DNAH10: variants seen among roughly 807,000 people sequenced by gnomAD.
DNAH10 encodes axonemal beta dynein heavy chain 10.
Under a neutral mutation model 506.6 loss-of-function variants are expected in DNAH10, and 348 were observed. The ratio of observed to expected loss-of-function variants is 0.69; its 90% confidence interval spans 0.63 to 0.75. The LOEUF (loss-of-function observed/expected upper bound fraction) is 0.75. Ranked by LOEUF, DNAH10 falls within the 30% of genes least tolerant of loss-of-function variation. The probability of loss-of-function intolerance (pLI) is 0.00; values close to 1 mark genes in which losing one functional copy is unlikely to be tolerated. For synonymous variants in DNAH10, 2,059 were observed against 2,198.6 expected (o/e 0.94, Z 1.78); for missense variants, 5,179 against 5,787.1 (o/e 0.89, Z 3.41).
Position 123,803,761 on chromosome 12 carries a change from G to A in DNAH10, c.2715G>A (p.Leu905=). ...HKNADDISSR[L]TLIEAINLFK... is the part of the protein sequence containing the mutation. ...ATGCAGATGACATTTCTTCCAGGCT[G>A]ACATTAATAGAGGCCATAAATCTCT... The change falls in exon 17 of 79, where the codon CTG becomes CTA. Residue 905 remains leucine, a synonymous_variant. Transcript: ENST00000673944. 1 of 1,611,084 alleles carries A rather than the reference G, an allele frequency of 6.2e-7. No individual in the cohort carries two copies. The highest frequency in any genetic ancestry group is 8.5e-7 in the Non-Finnish European group (1 of 1,179,414).
rs764282849 is a variant in DNAH10 at position 123,813,355 on chromosome 12, G to A, written c.3336G>A (p.Lys1112=). Residue 1112 remains lysine (K), a synonymous_variant, in exon 20 of 79, where the codon AAG becomes AAA. Coordinates refer to ENST00000673944, the MANE Select transcript of DNAH10 (RefSeq NM_001372106.1). The part of the protein sequence containing the change: ...INLMKYLQKW[K]RYRPLWKLDK... The stretch of plus-strand genomic sequence containing the variant: ...TTATGAAGTATCTACAAAAATGGAA[G>A]CGGTATCGACCTCTCTGGAAATTGG... 1 of 1,614,234 alleles carries A rather than the reference G, an allele frequency of 6.2e-7. No individual in the cohort carries two copies. Among genetic ancestry groups the A allele is most frequent in the Non-Finnish European group, 8.5e-7 (1 of 1,180,052 alleles).
rs1283249819 is a variant in DNAH10 at position 123,910,563 on chromosome 12, C to A, written c.10025C>A (p.Thr3342Asn). ...CTCTTGAAGACTCTTAATACCACAA[C>A]TGAAGAAATGGAAGCTGTCAGCAAA... Reference protein sequence around the residue: ...KGLLKTLNTTTEEMEAVSKAG... With the variant: ...KGLLKTLNTTNEEMEAVSKAG... Residue 3342 changes from threonine (T) to asparagine (N), a missense_variant, in exon 59 of 79, where the codon ACT becomes AAT. Physicochemically the swap from Thr to Asn is moderately conservative, Grantham distance 65. Coordinates refer to ENST00000673944, the MANE Select transcript of DNAH10 (RefSeq NM_001372106.1). 1.9e-6 allele frequency: 3 copies of A among 1,613,694 alleles called. No homozygotes were observed. In the South Asian group the frequency reaches 3.3e-5, roughly 18 times the overall value.
Position 123,930,514 on chromosome 12 carries a change from T to C in DNAH10, c.12725T>C (p.Phe4242Ser). ...IFDTFQPFHF[F>S]RNKEVDYKIP... ...GATACTTTCCAGCCATTCCACTTCT[T>C]CCGGAACAAGGAAGTGGACTACAAA... The change falls in exon 73 of 79, where the codon TTC becomes TCC. Residue 4242 changes from phenylalanine (F) to serine (S), a missense_variant. By Grantham distance (155) the Phe-to-Ser change is radical. Coordinates refer to ENST00000673944, the MANE Select transcript of DNAH10 (RefSeq NM_001372106.1). 6.2e-7 allele frequency: 1 copy of C among 1,610,228 alleles called. No individual in the cohort carries two copies. The highest frequency in any genetic ancestry group is 1.1e-5 in the South Asian group (1 of 90,322).
intron 28 of DNAH10, 49 bp from the exon 29 acceptor site, chr12:123,838,407 C>T (rs371925328): frequency 1.1e-4 from 166 of 1,532,890 alleles, no homozygotes; most frequent in Non-Finnish European, 1.3e-4. Flanking sequence ...ACAGTGTCTC[C>T]GCTCTCCCTG....
intron 11 of DNAH10, among the ~76,000 whole-genome samples, chr12:123,791,972 C>A (rs1958095961): frequency 6.6e-6 from 1 of 152,032 alleles, no homozygotes; most frequent in Non-Finnish European, 1.5e-5. Context: ...TTGTTGTTAA[C>A]CCCTATATTT....
chr12:123,833,365 CAAAA>C lies in DNAH10; in HGVS notation c.4779+19_4779+22del. 6.3e-7 allele frequency: 1 copy of C among 1,589,812 alleles called. No homozygotes were observed. Among genetic ancestry groups the C allele is most frequent in the Non-Finnish European group, 8.6e-7 (1 of 1,164,254 alleles). ...TCATTGAGGTGAGAGAAAAGATGAA[CAAAA>C]GATGGATTAGAGCCAGTGCATAGCA... On this transcript the variant is annotated intron_variant, in intron 27 of 78. Transcript: ENST00000673944.
In DNAH10 at chr12:123,785,816, T is replaced by C. The variant is rs945956782; in HGVS notation, c.1301T>C (p.Met434Thr). 6.2e-7 allele frequency: 1 copy of C among 1,614,138 alleles called. No homozygotes were observed. Among genetic ancestry groups the C allele is most frequent in the Non-Finnish European group, 8.5e-7 (1 of 1,180,016 alleles). Residue 434 changes from methionine to threonine, a missense_variant, in exon 9 of 79, where the codon ATG (methionine) becomes ACG (threonine). By Grantham distance (81) the Met-to-Thr change is moderately conservative. This residue lies in a region of DNAH10 where 4,844 missense variants were observed against 5,430.5 expected (regional missense o/e 0.89). Coordinates refer to ENST00000673944, the MANE Select transcript of DNAH10 (RefSeq NM_001372106.1). The surrounding 1 kb of genome is among the most constrained non-coding windows in gnomAD (Gnocchi z 4.1). ...CCCGCCATGATGAGTGCCCTGCGGA[T>C]GGTGTGGATCATCTCCCGACACTAC... is the stretch of plus-strand genomic sequence containing the variant. The part of the protein sequence containing the change: ...TIPAMMSALR[M>T]VWIISRHYNK...
At chr12:123,793,757 G>A (rs1343217188) in intron 11 of DNAH10, among the ~76,000 whole-genome samples, 185 bp from the exon 12 acceptor site, 13 of 152,192 alleles carry the variant, frequency 8.5e-5, no homozygotes, top group Admixed American at 4.6e-4. Flanking sequence ...CTTTGAACTG[G>A]TTGGGGAGAG....
intron 52 of DNAH10, among the ~76,000 whole-genome samples, chr12:123,888,067 C>A (rs1367430327): frequency 1.3e-5 from 2 of 152,128 alleles, no homozygotes; most frequent in Admixed American, 1.3e-4. Flanking sequence ...AAGAAGTTAG[C>A]CAGGCATGAT....
At chr12:123,886,676 G>A (rs1352746719) in intron 51 of DNAH10, among the ~76,000 whole-genome samples, 1 of 150,150 alleles carries the variant, frequency 6.7e-6, no homozygotes, top group Non-Finnish European at 1.5e-5. Context: ...CTGGAAATCT[G>A]CCATGTTTCT....
Position 123,875,247 on chromosome 12 carries a change from C to T in DNAH10, c.7955C>T (p.Thr2652Met), listed in dbSNP as rs764317091. Residue 2652 changes from threonine to methionine, a missense_variant, in exon 47 of 79, where the codon ACG becomes ATG. Physicochemically the swap from Thr to Met is moderately conservative, Grantham distance 81. This residue lies in a region of DNAH10 where 4,844 missense variants were observed against 5,430.5 expected (regional missense o/e 0.89). Coordinates refer to ENST00000673944, the MANE Select transcript of DNAH10 (RefSeq NM_001372106.1). The part of the protein sequence containing the change: ...MNMPRVDEYG[T>M]QQPIALLKLL... ...AAAATCAAGGTGGATGAATATGGCA[C>T]GCAGCAGCCCATTGCCTTGCTGAAG... is the stretch of plus-strand genomic sequence containing the variant. 37 of 1,610,466 alleles carry T rather than the reference C, an allele frequency of 2.3e-5. No individual in the cohort carries two copies. Among genetic ancestry groups the T allele is most frequent in the Admixed American group, 2.0e-4 (12 of 59,342 alleles).
At chr12:123,881,936 T>G (rs1952529590) in intron 51 of DNAH10, 123 bp downstream of exon 51, 1 of 977,050 alleles carries the variant, frequency 1.0e-6, no homozygotes. Context: ...AGTATCGAGG[T>G]GGGTGTTTTG....
chr12:123,835,490 G>A lies in DNAH10; in HGVS notation c.4864G>A (p.Ala1622Thr). The A allele has an allele frequency of 6.2e-7, 1 of 1,607,732 alleles. No homozygotes were observed. Among genetic ancestry groups the A allele is most frequent in the Non-Finnish European group, 8.5e-7 (1 of 1,176,854 alleles). Residue 1622 changes from alanine (A) to threonine (T), a missense_variant, in exon 28 of 79, where the codon GCA (alanine) becomes ACA (threonine). By Grantham distance (58) the Ala-to-Thr change is moderately conservative (BLOSUM62 0). Transcript: ENST00000673944. ...GDIRSQLPEE[A>T]KKFDNIDKVF... Reference sequence around the variant, plus strand: ...TATAAGATCACAACTTCCGGAAGAGGCAAAAAAGTTTGACAACATCGATAA... The same window carrying A: ...TATAAGATCACAACTTCCGGAAGAGACAAAAAAGTTTGACAACATCGATAA...
chr12:123,783,090 C>A lies in DNAH10; in HGVS notation c.842-17C>A. On this transcript the variant is annotated splice_polypyrimidine_tract_variant and intron_variant, in intron 6 of 78. Transcript: ENST00000673944. The stretch of plus-strand genomic sequence containing the variant: ...TTTCCTGAACGAATGACTGACTGAT[C>A]ACTTTTATTTTCCTAGGTGAGATCA... The A allele has an allele frequency of 6.2e-7, 1 of 1,612,192 alleles. No homozygotes were observed. Among genetic ancestry groups the A allele is most frequent in the Non-Finnish European group, 8.5e-7 (1 of 1,178,434 alleles).
At position 123,896,148 on chromosome 12, in the gene DNAH10, C is replaced by CATAGAGAG. The variant is rs1383690518; in HGVS notation, c.9280+1426_9280+1427insTAGAGAGA. Reference sequence around the variant, plus strand: ...ACACACACACACACACACACACACACAGAGAGAGAGAGAGAGAGAGAGAGA... The same window carrying CATAGAGAG: ...ACACACACACACACACACACACACACATAGAGAGAGAGAGAGAGAGAGAGAGAGAGAGA... On this transcript the variant is annotated intron_variant, in intron 54 of 78. Coordinates refer to ENST00000673944, the MANE Select transcript of DNAH10 (RefSeq NM_001372106.1). Among the ~76,000 whole-genome samples the CATAGAGAG allele has an allele frequency of 1.1e-3, 106 of 95,322 alleles. 2 individuals are homozygous for CATAGAGAG. Among genetic ancestry groups the CATAGAGAG allele is most frequent in the Non-Finnish European group, 1.2e-3 (61 of 51,322 alleles). 62.5% of individuals were successfully genotyped at this position (95,322 alleles called of 152,430 possible). A position where few individuals can be genotyped will look rare whatever the true frequency, so the allele number is the denominator to read the frequency against.
chr12:123,894,420 G>T (rs1953129301), intron 53 of DNAH10, among the ~76,000 whole-genome samples: 1 of 151,986 alleles, frequency 6.6e-6, no homozygotes, highest in African/African-American at 2.4e-5. Flanking sequence ...CTACTGCCCG[G>T]CTAATTTTTG....
At chr12:123,839,347 T>A (rs924565961) in intron 29 of DNAH10, among the ~76,000 whole-genome samples, 1 of 152,222 alleles carries the variant, frequency 6.6e-6, no homozygotes, top group African/African-American at 2.4e-5. Context: ...TTTGCTCTAT[T>A]CTGAGTTTCT....
Position 123,931,425 on chromosome 12 carries a change from C to G in DNAH10, c.12869C>G (p.Ala4290Gly), listed in dbSNP as rs768718118. 1.2e-6 allele frequency: 2 copies of G among 1,613,832 alleles called. No individual in the cohort carries two copies. The highest frequency in any genetic ancestry group is 1.7e-6 in the Non-Finnish European group (2 of 1,179,892). Residue 4290 changes from alanine (A) to glycine (G), a missense_variant, in exon 74 of 79, where the codon GCG becomes GGG. Ala to Gly is a moderately conservative substitution (Grantham distance 60). Coordinates refer to ENST00000673944, the MANE Select transcript of DNAH10 (RefSeq NM_001372106.1). ...PNAEIGYYTQAARDMWAHLLE... is the reference protein window; with the variant it reads ...PNAEIGYYTQGARDMWAHLLE... ...GCTGAGATTGGCTATTACACGCAGG[C>G]GGCTCGAGACATGTGGGCTCACCTG...
rs778523802 is a variant in DNAH10, at chr12:123,833,258, A to G, written c.4690A>G (p.Ser1564Gly). 6.2e-7 allele frequency: 1 copy of G among 1,613,914 alleles called. No individual in the cohort carries two copies. The highest frequency in any genetic ancestry group is 2.2e-5 in the East Asian group (1 of 44,890). ...SLDDNTFNLQ[S>G]ISGSRFVGPF... ...TGATGACAACACTTTCAACCTGCAG[A>G]GCATCTCAGGAAGCAGATTTGTGGG... Residue 1564 changes from serine to glycine, a missense_variant, in exon 27 of 79, where the codon AGC becomes GGC. Physicochemically the swap from Ser to Gly is moderately conservative, Grantham distance 56 (BLOSUM62 0). Around this residue, in one of 3 missense-constraint regions of DNAH10, gnomAD observed 4,844 missense variants for 5,430.5 expected, o/e 0.89. Coordinates refer to ENST00000673944, the MANE Select transcript of DNAH10 (RefSeq NM_001372106.1).
Sources: gnomAD v4.1 joint callset for allele counts (sites outside exome capture counted in the v4.1 genomes callset) on GRCh38, gnomAD v4.1.1 for gene constraint, gnomAD v4.1.1 regional missense constraint, Gnocchi (gnomAD v3.1) non-coding constraint, MANE v1.5 for transcripts, NCBI Gene and HGNC (gene_info 2026-07-23, HGNC 2026-07-21) for gene names.